NUCB2: variants seen among roughly 807,000 people sequenced by gnomAD.
NUCB2 encodes the protein nucleobindin 2, also known as nucleobindin-2.
In NUCB2, 48 loss-of-function variants were observed where a neutral mutation model predicts 57.9. That is an observed-to-expected ratio of 0.83 (90% CI 0.66 to 1.05). The LOEUF (loss-of-function observed/expected upper bound fraction) is 1.05, where lower values mean the gene tolerates loss of function less well. Among genes scored for constraint, NUCB2 ranks in the 50% least tolerant of loss-of-function variants. NUCB2 has a pLI of 0.00. For synonymous variants in NUCB2, 139 were observed against 152.1 expected, an observed-to-expected ratio of 0.91 and a Z score of 0.64; for missense variants, 442 against 476.2, an observed-to-expected ratio of 0.93 and a Z score of 0.67.
chr11:17,281,987 C>G (rs1942667995), intron 1 of NUCB2, among the ~76,000 whole-genome samples: 2 of 151,504 alleles, frequency 1.3e-5, no homozygotes, highest in Non-Finnish European at 2.9e-5. Flanking sequence ...CATCTTATTA[C>G]TGATCTCTGT....
At chr11:17,313,435 C>T (rs1303136221) in intron 10 of NUCB2, among the ~76,000 whole-genome samples, 1 of 152,064 alleles carries the variant, frequency 6.6e-6, no homozygotes, top group African/African-American at 2.4e-5. Flanking sequence ...GAGGCTGAGG[C>T]ATGAGAATCG....
At chr11:17,283,717 A>G (rs930778429) in intron 2 of NUCB2, among the ~76,000 whole-genome samples, 1 of 152,258 alleles carries the variant, frequency 6.6e-6, no homozygotes, top group South Asian at 2.1e-4. Flanking sequence ...TGTTAAAAAG[A>G]GCTAACATTT....
intron 1 of NUCB2, among the ~76,000 whole-genome samples, chr11:17,282,261 T>C (rs1963780): frequency 9.7e-6 from 1 of 103,476 alleles, no homozygotes; most frequent in Non-Finnish European, 1.8e-5. Context: ...TATATATATT[T>C]TTTTTTTTTT....
rs534202673 is a variant in NUCB2, at chr11:17,323,692, T to C, written c.1003-6435T>C. ...TTGGTAGAATTCAGCAGTGAAGCCATTGGGTCCTGGGCATTTTTTTGCTGG... is the reference window on the plus strand; with the variant it reads ...TTGGTAGAATTCAGCAGTGAAGCCACTGGGTCCTGGGCATTTTTTTGCTGG... On this transcript the variant is annotated intron_variant, in intron 11 of 13. Transcript: ENST00000529010. Among the ~76,000 whole-genome samples, 6 of 152,320 alleles carry C rather than the reference T, an allele frequency of 3.9e-5. No homozygotes were observed. In the East Asian group the frequency reaches 9.6e-4, roughly 24 times the overall value.
chr11:17,287,697 C>T (rs867326926), intron 2 of NUCB2, among the ~76,000 whole-genome samples: 7 of 143,272 alleles, frequency 4.9e-5, no homozygotes, highest in African/African-American at 7.9e-5. Flanking sequence ...AAAAAAGATA[C>T]GTTATTAAAT....
At chr11:17,277,961 T>A (rs775717026) in intron 1 of NUCB2, among the ~76,000 whole-genome samples, 5 of 152,140 alleles carry the variant, frequency 3.3e-5, no homozygotes, top group Non-Finnish European at 5.9e-5. Context: ...AAATGAAATC[T>A]CAAATAATGT....
Position 17,310,948 on chromosome 11 carries a change from G to T in NUCB2, c.607G>T (p.Glu203Ter). 6.3e-7 allele frequency: 1 copy of T among 1,594,640 alleles called. No homozygotes were observed. The highest frequency in any genetic ancestry group is 8.5e-7 in the Non-Finnish European group (1 of 1,174,144). ...KTLNEEKRKE[E>*]ESKFEEMKKK... is the part of the protein sequence containing the mutation. ...ATTGAATGAAGAAAAGAGAAAAGAA[G>T]AAGAGTCTAAATTTGAAGAAATGAA... Residue 203 changes from glutamate (E) to a stop codon, truncating the protein, a stop_gained, in exon 7 of 14, where the codon GAA becomes TAA. Coordinates refer to ENST00000529010, the MANE Select transcript of NUCB2 (RefSeq NM_005013.4). LOFTEE classifies it high-confidence loss of function.
Position 17,331,784 on chromosome 11 carries a change from C to G in NUCB2, c.*365C>G, listed in dbSNP as rs538395890. 289 of 185,016 alleles carry G rather than the reference C, an allele frequency of 1.6e-3. 2 individuals carry two copies. The highest frequency in any genetic ancestry group is 1.9e-3 in the Non-Finnish European group (168 of 90,276). 11.5% of individuals were successfully genotyped at this position (185,016 alleles called of 1,614,324 possible). On this transcript the variant is annotated 3_prime_UTR_variant, in exon 14 of 14. Transcript: ENST00000529010. ...CCTCTTGCTTTTAAATTAGATTGCT[C>G]TCACTTACTCGTAAACATAGGTATT...
intron 2 of NUCB2, among the ~76,000 whole-genome samples, chr11:17,293,768 G>A (rs1342670543): frequency 6.6e-6 from 1 of 152,162 alleles, no homozygotes; most frequent in East Asian, 1.9e-4. Flanking sequence ...GAAACATACT[G>A]CTAAGTGATA....
At chr11:17,328,061 C>T (rs911794922) in intron 11 of NUCB2, among the ~76,000 whole-genome samples, 2 of 152,270 alleles carry the variant, frequency 1.3e-5, no homozygotes, top group South Asian at 4.2e-4. Context: ...TTTGTTTGTG[C>T]ATGTCCTTCT....
rs762221731 is a variant in NUCB2 at position 17,310,899 on chromosome 11, TGAAAG to T, written c.561_565del (p.Arg189IlefsTer7). On this transcript the variant is annotated frameshift_variant, in exon 7 of 14. Coordinates refer to ENST00000529010, the MANE Select transcript of NUCB2 (RefSeq NM_005013.4). LOFTEE classifies it high-confidence loss of function. ...AAAAATATGAAATGATGAAGGAACA[TGAAAG>T]GAGAGAATATTTAAAAACATTGAAT... The T allele has an allele frequency of 3.8e-6, 6 of 1,595,174 alleles. No homozygotes were observed. Among genetic ancestry groups the T allele is most frequent in the Non-Finnish European group, 5.1e-6 (6 of 1,173,218 alleles).
At chr11:17,316,519 T>C (rs545970507) in intron 11 of NUCB2, among the ~76,000 whole-genome samples, 1 of 152,338 alleles carries the variant, frequency 6.6e-6, no homozygotes, top group Non-Finnish European at 1.5e-5. Context: ...CTATGATGAC[T>C]ATCTGTTTCT....
At position 17,311,203 on chromosome 11, in the gene NUCB2, A is replaced by C; in HGVS notation, c.680A>C (p.Asp227Ala). The change falls in exon 8 of 14, where the codon GAT becomes GCT. Residue 227 changes from aspartate to alanine, a missense_variant. Asp to Ala is a moderately radical substitution (Grantham distance 126, BLOSUM62 -2). Transcript: ENST00000529010. ...AAAATTGGTTCACAGGGAAGCAAAG[A>C]TCAACTAAAAGAGGTATGGGAAGAG... The part of the protein sequence containing the change: ...HPKVNHPGSK[D>A]QLKEVWEETD... 3.1e-6 allele frequency: 5 copies of C among 1,603,348 alleles called. No individual in the cohort carries two copies. In the East Asian group the frequency reaches 1.1e-4, roughly 36 times the overall value.
At chr11:17,313,453 C>G (rs1948807159) in intron 10 of NUCB2, among the ~76,000 whole-genome samples, 1 of 152,042 alleles carries the variant, frequency 6.6e-6, no homozygotes, top group Non-Finnish European at 1.5e-5. Flanking sequence ...TCGCTTGAAC[C>G]CAGGCGGCAG....
At chr11:17,312,423 A>G (rs372348647) in intron 10 of NUCB2, among the ~76,000 whole-genome samples, 14 of 142,872 alleles carry the variant, frequency 9.8e-5, no homozygotes, top group East Asian at 2.1e-4. Flanking sequence ...TTTTTTTTTG[A>G]GACGGAGTCT....
In NUCB2 at chr11:17,301,775, T is replaced by G. The variant is rs1419027302; in HGVS notation, c.284T>G (p.Val95Gly). 6.2e-7 allele frequency: 1 copy of G among 1,609,618 alleles called. No homozygotes were observed. Among genetic ancestry groups the G allele is most frequent in the Non-Finnish European group, 8.5e-7 (1 of 1,175,940 alleles). Reference sequence around the variant, plus strand: ...AGGCTAAGCAAAGAACTGGATTTAGTAAGTCACCATGTGAGGACAAAACTT... The same window carrying G: ...AGGCTAAGCAAAGAACTGGATTTAGGAAGTCACCATGTGAGGACAAAACTT... The part of the protein sequence containing the change: ...SGRLSKELDL[V>G]SHHVRTKLDE... The change falls in exon 5 of 14, where the codon GTA (valine) becomes GGA (glycine). Residue 95 changes from valine (V) to glycine (G), a missense_variant. Transcript: ENST00000529010.
intron 1 of NUCB2, among the ~76,000 whole-genome samples, chr11:17,282,289 C>T (rs964723624): frequency 2.9e-5 from 4 of 136,976 alleles, no homozygotes; most frequent in Non-Finnish European, 6.3e-5. Flanking sequence ...GACAGAGTCT[C>T]GCTCTGTCAC....
At chr11:17,296,760 G>A (rs60838059) in intron 4 of NUCB2, among the ~76,000 whole-genome samples, 7,606 of 152,250 alleles carry the variant, frequency 0.05, 316 homozygotes, top group Admixed American at 0.15. Context: ...GGAGGCCTGA[G>A]TGGCCAAAAG....
At chr11:17,285,317 A>T (rs1472427740) in intron 2 of NUCB2, among the ~76,000 whole-genome samples, 1 of 151,108 alleles carries the variant, frequency 6.6e-6, no homozygotes, top group South Asian at 2.1e-4. Context: ...GCTCACGCCT[A>T]TAATCCCAGC....
Sources: gnomAD v4.1 joint callset for allele counts (sites outside exome capture counted in the v4.1 genomes callset) on GRCh38, gnomAD v4.1.1 for gene constraint, MANE v1.5 for transcripts, NCBI Gene and HGNC (gene_info 2026-07-23, HGNC 2026-07-21) for gene names.